Variants in LATS2 observed in about 807,000 individuals in gnomAD.
The protein encoded by LATS2 is large tumor suppressor kinase 2, also known as serine/threonine-protein kinase LATS2.
Under a neutral mutation model 76.0 loss-of-function variants are expected in LATS2, and 24 were observed. The observed-to-expected ratio is 0.32, with a 90% CI of 0.23 to 0.44. LATS2 has a LOEUF of 0.44. Among genes scored for constraint, LATS2 ranks in the 20% least tolerant of loss-of-function variants. LATS2 has a pLI of 1.00. For synonymous variants in LATS2, 692 were observed against 635.4 expected (o/e 1.09, Z -1.34); for missense variants, 1,286 against 1,481.2 (o/e 0.87, Z 2.16).
At chr13:21,045,645 A>G in intron 2 of LATS2, 40 bp downstream of exon 2, 3 of 1,521,978 alleles carry the variant, frequency 2.0e-6, no homozygotes, top group Non-Finnish European at 2.7e-6. Flanking sequence ...GCTGTCCCAT[A>G]GCTGCCTCTG....
intron 2 of LATS2, among the ~76,000 whole-genome samples, chr13:20,996,822 C>T (rs1028076432): frequency 1.1e-4 from 16 of 152,220 alleles, no homozygotes; most frequent in African/African-American, 2.4e-4. Flanking sequence ...AAGAGTCTGA[C>T]GGGCTCTTAC....
intron 5 of LATS2, among the ~76,000 whole-genome samples, chr13:20,982,435 C>G (rs1323246035): frequency 6.6e-6 from 1 of 152,184 alleles, no homozygotes; most frequent in South Asian, 2.1e-4. Flanking sequence ...CCTCAGCCTC[C>G]CAGTAGCTGG....
intron 2 of LATS2, among the ~76,000 whole-genome samples, chr13:21,000,924 T>G (rs1352760424): frequency 1.3e-5 from 2 of 152,164 alleles, no homozygotes; most frequent in Admixed American, 1.3e-4. Flanking sequence ...ATGAAAAAAA[T>G]TAAAGTATGA....
chr13:20,994,068 G>T (rs1453652671), intron 2 of LATS2, among the ~76,000 whole-genome samples: 1 of 152,188 alleles, frequency 6.6e-6, no homozygotes, highest in Non-Finnish European at 1.5e-5. Flanking sequence ...GGTCAATGTG[G>T]ATGTTCTCAA....
At chr13:21,025,783 T>C (rs556476351) in intron 2 of LATS2, among the ~76,000 whole-genome samples, 1 of 152,316 alleles carries the variant, frequency 6.6e-6, no homozygotes, top group Admixed American at 6.5e-5. Flanking sequence ...AGTGAAATTA[T>C]TGCTGTGACC....
chr13:21,011,873 A>G (rs1343930268), intron 2 of LATS2, among the ~76,000 whole-genome samples: 8 of 152,248 alleles, frequency 5.3e-5, no homozygotes, highest in Non-Finnish European at 1.5e-5. Context: ...ATGGTATAGC[A>G]TATTGTTCCT....
rs537998645 is a variant in LATS2 at position 21,019,700 on chromosome 13, G to A, written c.342+25985C>T. Among the ~76,000 whole-genome samples the A allele has an allele frequency of 1.3e-3, 188 of 145,734 alleles. 1 individual carries two copies. The highest frequency in any genetic ancestry group is 4.2e-3 in the African/African-American group (167 of 39,974). ...AAAAAAAAAAAAAAGGCGGCTGGGC[G>A]TGGTGGCTCATGCCTGTAATCCTAG... On this transcript the variant is annotated intron_variant, in intron 2 of 7. Transcript: ENST00000382592.
intron 2 of LATS2, among the ~76,000 whole-genome samples, chr13:21,002,270 A>G (rs563812379): frequency 6.6e-6 from 1 of 152,316 alleles, no homozygotes; most frequent in Admixed American, 6.5e-5. Context: ...ATGGTTGGTT[A>G]CACAACAGTA....
rs748359156 is a variant in LATS2 at position 21,016,936 on chromosome 13, T to C, written c.343-25532A>G. 1.8e-4 allele frequency among the ~76,000 whole-genome samples: 27 copies of C among 152,310 alleles called. 1 individual carries two copies. The highest frequency in any genetic ancestry group is 3.4e-4 in the Non-Finnish European group (23 of 68,020). ...AAGTAAAACCAACTTGCCCGATCCA[T>C]GGCCATGCATCTGTTCTCAGACATA... On this transcript the variant is annotated intron_variant, in intron 2 of 7. Coordinates refer to ENST00000382592, the MANE Select transcript of LATS2 (RefSeq NM_014572.3).
At chr13:21,037,047 C>T (rs1345372922) in intron 2 of LATS2, among the ~76,000 whole-genome samples, 1 of 152,108 alleles carries the variant, frequency 6.6e-6, no homozygotes. Flanking sequence ...TGTTCATGAC[C>T]AGCTCTTTAC....
chr13:21,047,906 G>C (rs1344038365), intron 1 of LATS2, among the ~76,000 whole-genome samples: 2 of 152,170 alleles, frequency 1.3e-5, no homozygotes, highest in Non-Finnish European at 2.9e-5. Flanking sequence ...GTAATTGTGA[G>C]AAGATTCCAT....
chr13:21,013,275 G>A (rs550681199), intron 2 of LATS2, among the ~76,000 whole-genome samples: 7 of 152,218 alleles, frequency 4.6e-5, no homozygotes, highest in Non-Finnish European at 8.8e-5. Context: ...AGCCTTGCAT[G>A]TTCTGCCCAA....
At chr13:21,003,434 CTTTT>C (rs532303699) in intron 2 of LATS2, among the ~76,000 whole-genome samples, 3 of 139,000 alleles carry the variant, frequency 2.2e-5, no homozygotes, top group Admixed American at 7.1e-5. Flanking sequence ...GTCTGTCTTT[CTTTT>C]TTTTCCTTTT....
At chr13:21,033,992 G>A (rs1259254868) in intron 2 of LATS2, among the ~76,000 whole-genome samples, 1 of 152,090 alleles carries the variant, frequency 6.6e-6, no homozygotes. Flanking sequence ...ACCCAGGCTG[G>A]TAGGACAACG....
Position 20,983,790 on chromosome 13 carries a change from G to C in LATS2, c.1916C>G (p.Ala639Gly). 6.2e-7 allele frequency: 1 copy of C among 1,611,658 alleles called. No individual in the cohort carries two copies. Residue 639 changes from alanine (A) to glycine (G), a missense_variant, in exon 5 of 8, where the codon GCT becomes GGT. Ala to Gly is a moderately conservative substitution (Grantham distance 60). This residue lies in a region of LATS2 where 247 missense variants were observed against 385.4 expected (regional missense o/e 0.64). Transcript: ENST00000382592. ...GATCTTCCGCATCTGCTCCTGCTCA[G>C]CTTCACAGAGTCCAGCCTGTGTAGA... ...QEMAKAGLCE[A>G]EQEQMRKILY...
intron 2 of LATS2, among the ~76,000 whole-genome samples, chr13:21,022,416 C>T (rs1218266447): frequency 1.3e-5 from 2 of 152,128 alleles, no homozygotes; most frequent in African/African-American, 4.8e-5. Context: ...AACACAACCC[C>T]CACTAGCCCC....
rs776992329 is a variant in LATS2, at chr13:20,988,690, T to A, written c.1090A>T (p.Ser364Cys). ...GCCGGCCACTGCTGGACGGAGGTGC[T>A]GCCCAATTCATACAGGTCCACGTTG... ...SLNVDLYELG[S>C]TSVQQWPAAT... The change falls in exon 4 of 8, where the codon AGC becomes TGC. Residue 364 changes from serine (S) to cysteine (C), a missense_variant. By Grantham distance (112) the Ser-to-Cys change is moderately radical. Around this residue, in one of 5 missense-constraint regions of LATS2, gnomAD observed 710 missense variants for 660.9 expected, o/e 1.07. Transcript: ENST00000382592. 8.3e-6 allele frequency: 13 copies of A among 1,571,942 alleles called. No individual in the cohort carries two copies. The highest frequency in any genetic ancestry group is 1.1e-5 in the Non-Finnish European group (13 of 1,168,154).
intron 2 of LATS2, among the ~76,000 whole-genome samples, chr13:21,035,423 C>CA (rs1219325137): frequency 1.3e-5 from 2 of 152,106 alleles, no homozygotes; most frequent in African/African-American, 4.8e-5. Context: ...TTGGCAATGA[C>CA]AGAAACAGTT....
At chr13:21,000,775 C>T (rs1871007577) in intron 2 of LATS2, among the ~76,000 whole-genome samples, 1 of 151,940 alleles carries the variant, frequency 6.6e-6, no homozygotes, top group African/African-American at 2.4e-5. Flanking sequence ...TGGTATGTAG[C>T]AAAAATAAGC....
Sources: gnomAD v4.1 joint callset for allele counts (sites outside exome capture counted in the v4.1 genomes callset) on GRCh38, gnomAD v4.1.1 for gene constraint, gnomAD v4.1.1 regional missense constraint, MANE v1.5 for transcripts, NCBI Gene and HGNC (gene_info 2026-07-23, HGNC 2026-07-21) for gene names.